The following KTN1 variants were observed in gnomAD, a reference collection of about 807,000 sequenced individuals.
KTN1 encodes kinectin 1, also known as kinectin.
In KTN1, 130 loss-of-function variants were observed where a neutral mutation model predicts 222.5. The observed-to-expected ratio is 0.58, with a 90% CI of 0.51 to 0.68. The LOEUF is 0.68. KTN1 is among the 30% of genes least tolerant of loss of function. KTN1 has a pLI of 0.00. For synonymous variants in KTN1, 512 were observed against 496.3 expected (o/e 1.03, Z -0.42); for missense variants, 1,508 against 1,500.4 (o/e 1.01, Z -0.08).
chr14:55,617,837 T>A, intron 3 of KTN1, 127 bp from the exon 4 acceptor site: 1 of 692,196 alleles, frequency 1.4e-6, no homozygotes, highest in East Asian at 2.8e-5. Context: ...AAATAGGAAT[T>A]TAAAACCAAT....
chr14:55,627,647 A>G (rs565148578), intron 5 of KTN1, among the ~76,000 whole-genome samples: 3 of 151,948 alleles, frequency 2.0e-5, no homozygotes, highest in South Asian at 4.2e-4. Context: ...TCCTGTGTCC[A>G]TGTTCCCCTT....
chr14:55,617,405 A>G (rs2140717981), intron 3 of KTN1, among the ~76,000 whole-genome samples: 1 of 152,286 alleles, frequency 6.6e-6, no homozygotes, highest in South Asian at 2.1e-4. Context: ...AAAATTAGGA[A>G]CAAAATAAAG....
chr14:55,645,637 C>G (rs530212775), intron 18 of KTN1, among the ~76,000 whole-genome samples: 6 of 152,110 alleles, frequency 3.9e-5, no homozygotes, highest in Non-Finnish European at 7.4e-5. Flanking sequence ...ATAGTATAAA[C>G]CTGATTTAAT....
rs1485469506 is a variant in KTN1 at position 55,634,572 on chromosome 14, G to A, written c.1375G>A (p.Val459Met). 1 of 1,613,792 alleles carries A rather than the reference G, an allele frequency of 6.2e-7. No homozygotes were observed. Among genetic ancestry groups the A allele is most frequent in the African/African-American group, 1.3e-5 (1 of 74,922 alleles). Residue 459 changes from valine to methionine, a missense_variant, in exon 9 of 44, where the codon GTG becomes ATG. By Grantham distance (21) the Val-to-Met change is conservative. Transcript: ENST00000395314. Reference sequence around the variant, plus strand: ...ACTACGCCAGGATTATGCTAGGTTGGTGAATGAGCTGACTGAGAAAACAGG... The same window carrying A: ...ACTACGCCAGGATTATGCTAGGTTGATGAATGAGCTGACTGAGAAAACAGG... ...NKLRQDYARL[V>M]NELTEKTGKL...
intron 32 of KTN1, chr14:55,662,802 A>G (rs984757177): frequency 1.8e-5 from 8 of 446,440 alleles, no homozygotes; most frequent in African/African-American, 8.0e-5. Context: ...CTGTGTTGGT[A>G]TAACAGTACT....
intron 43 of KTN1, chr14:55,680,572 C>A (rs1304255098): frequency 2.7e-5 from 15 of 553,306 alleles, no homozygotes; most frequent in Non-Finnish European, 5.0e-5. Context: ...CCTTTCAGAA[C>A]CCCTGATAAT....
chr14:55,677,338 G>A (rs1271118870), intron 41 of KTN1, among the ~76,000 whole-genome samples: 1 of 152,000 alleles, frequency 6.6e-6, no homozygotes, highest in African/African-American at 2.4e-5. Context: ...TTAGCCGGGT[G>A]TGGTGGTGCG....
At chr14:55,682,646 G>A (rs1355777976) in intron 43 of KTN1, 1 of 152,098 alleles carries the variant, frequency 6.6e-6, no homozygotes, top group African/African-American at 2.4e-5. Flanking sequence ...TAGGTAGGTA[G>A]GTATTATTAT....
intron 40 of KTN1, chr14:55,675,627 G>T: frequency 2.4e-6 from 1 of 411,132 alleles, no homozygotes; most frequent in Non-Finnish European, 4.3e-6. Flanking sequence ...CTAAACTGTA[G>T]TTCATTTCTG....
Position 55,658,401 on chromosome 14 carries a change from T to TTTAATAAAGAGCTTA in KTN1, c.2893-141_2893-127dup. On this transcript the variant is annotated intron_variant, in intron 29 of 43. Transcript: ENST00000395314. The stretch of plus-strand genomic sequence containing the variant: ...TAAATACTCTAATTTCATCATATGT[T>TTTAATAAAGAGCTTA]TTAATAAAGAGCTTATTACACCCTT... 1.8e-5 allele frequency: 11 copies of TTTAATAAAGAGCTTA among 605,624 alleles called. No individual in the cohort carries two copies. In the South Asian group the frequency reaches 2.3e-4, roughly 13 times the overall value. 37.5% of individuals were successfully genotyped at this position (605,624 alleles called of 1,614,324 possible).
In KTN1 at chr14:55,646,436, C is replaced by CTTTCCTTTTCCT. The variant is rs1251932293; in HGVS notation, c.2173-516_2173-505dup. On this transcript the variant is annotated intron_variant, in intron 18 of 43. Coordinates refer to ENST00000395314, the MANE Select transcript of KTN1 (RefSeq NM_001079521.2). Reference sequence around the variant, plus strand: ...TTTTTTCCTTTCTTTCCTTCCTTTCCTTTCCTTTTCCTTTTCCTTTTCCTT... The same window carrying CTTTCCTTTTCCT: ...TTTTTTCCTTTCTTTCCTTCCTTTCCTTTCCTTTTCCTTTTCCTTTTCCTTTTCCTTTTCCTT... Among the ~76,000 whole-genome samples the CTTTCCTTTTCCT allele has an allele frequency of 2.6e-3, 255 of 96,874 alleles. 14 individuals are homozygous for CTTTCCTTTTCCT. The highest frequency in any genetic ancestry group is 0.01 in the African/African-American group (239 of 23,034). The allele number at this position is 96,874 out of a possible 152,430, so 63.6% of individuals were successfully genotyped here.
At chr14:55,653,885 T>A (rs1278329861) in intron 28 of KTN1, among the ~76,000 whole-genome samples, 1 of 152,166 alleles carries the variant, frequency 6.6e-6, no homozygotes, top group Non-Finnish European at 1.5e-5. Flanking sequence ...AAACAAAATA[T>A]GCAATTATTA....
chr14:55,588,024 T>C (rs1049576934), intron 1 of KTN1, among the ~76,000 whole-genome samples: 4 of 152,140 alleles, frequency 2.6e-5, no homozygotes, highest in African/African-American at 9.7e-5. Flanking sequence ...CTTTGGACAA[T>C]GTGGGAATTA....
chr14:55,617,569 A>C (rs751184775), intron 3 of KTN1, among the ~76,000 whole-genome samples: 5 of 152,200 alleles, frequency 3.3e-5, no homozygotes, highest in Non-Finnish European at 7.4e-5. Flanking sequence ...CTTGTTTAAA[A>C]ATTATCAACT....
intron 15 of KTN1, 63 bp from the exon 16 acceptor site, chr14:55,640,870 G>GA: frequency 2.9e-6 from 4 of 1,363,920 alleles, no homozygotes; most frequent in East Asian, 2.3e-5. Flanking sequence ...AAAAATTAGT[G>GA]AAAAAAATAG....
chr14:55,635,921 A>G (rs1481930141), intron 9 of KTN1, among the ~76,000 whole-genome samples: 2 of 152,144 alleles, frequency 1.3e-5, no homozygotes, highest in African/African-American at 2.4e-5. Context: ...TTTATTTAAT[A>G]TTGATCTTGC....
chr14:55,583,096 A>C (rs74411125), intron 1 of KTN1, among the ~76,000 whole-genome samples: 10 of 152,150 alleles, frequency 6.6e-5, no homozygotes, highest in African/African-American at 2.2e-4. Context: ...TCCCTCCTCT[A>C]TAAATAGAAA....
intron 33 of KTN1, among the ~76,000 whole-genome samples, chr14:55,666,692 C>G (rs978689398): frequency 6.6e-6 from 1 of 151,752 alleles, no homozygotes; most frequent in African/African-American, 2.4e-5. Context: ...CTTTCTTTTT[C>G]CCATTTATGT....
At chr14:55,658,285 C>T (rs893395097) in intron 29 of KTN1, among the ~76,000 whole-genome samples, 1 of 152,118 alleles carries the variant, frequency 6.6e-6, no homozygotes, top group Non-Finnish European at 1.5e-5. Flanking sequence ...TGAAATGTCA[C>T]TTCATACTAA....
Sources: allele counts gnomAD v4.1 joint callset (sites outside exome capture counted in the v4.1 genomes callset), GRCh38; gene constraint gnomAD v4.1.1; transcripts MANE v1.5; gene names NCBI Gene and HGNC (gene_info 2026-07-23, HGNC 2026-07-21).